OCLN: variants seen among roughly 807,000 people sequenced by gnomAD.
OCLN encodes the protein phosphatase 1, regulatory subunit 115.
Under a neutral mutation model 47.9 loss-of-function variants are expected in OCLN, and 21 were observed. The ratio of observed to expected loss-of-function variants is 0.44; its 90% CI spans 0.31 to 0.63. OCLN has a LOEUF of 0.63. Ranked by LOEUF, OCLN falls within the 30% of genes least tolerant of loss-of-function variation. The pLI is 0.08. For synonymous variants in OCLN, 117 were observed against 198.4 expected, an observed-to-expected ratio of 0.59 and a Z score of 3.45; for missense variants, 360 against 571.0, an observed-to-expected ratio of 0.63 and a Z score of 3.77.
At chr5:69,523,491 T>G (rs1769196653) in intron 4 of OCLN, among the ~76,000 whole-genome samples, 1 of 151,980 alleles carries the variant, frequency 6.6e-6, no homozygotes, top group African/African-American at 2.4e-5. Flanking sequence ...AGCATTTCCA[T>G]GCCAGTAGAT....
At chr5:69,497,384 GA>G (rs1358602419) in intron 1 of OCLN, among the ~76,000 whole-genome samples, 6 of 115,000 alleles carry the variant, frequency 5.2e-5, no homozygotes, top group Admixed American at 3.0e-4. Context: ...GGTTTTTCTA[GA>G]TTTTTTTTTT....
chr5:69,555,653 A>G lies in OCLN; in HGVS notation c.*1982A>G, dbSNP rs1769960856. On this transcript the variant is annotated 3_prime_UTR_variant, in exon 9 of 9. Coordinates refer to ENST00000396442, the MANE Select transcript of OCLN (RefSeq NM_001205254.2). ...ATTATATCACTGATTTATTTCTGCA[A>G]ATTGAATAAATTCTTAATTTTCTGC... 6.6e-6 allele frequency: 1 copy of G among 152,222 alleles called. No homozygotes were observed. The highest frequency in any genetic ancestry group is 1.5e-5 in the Non-Finnish European group (1 of 68,016). The allele number at this position is 152,222 out of a possible 1,614,324, so 9.4% of individuals were successfully genotyped here.
At chr5:69,501,936 G>T (rs1175728513) in intron 1 of OCLN, among the ~76,000 whole-genome samples, 3 of 152,192 alleles carry the variant, frequency 2.0e-5, no homozygotes, top group African/African-American at 7.2e-5. Flanking sequence ...GGTGGCTCAT[G>T]CCTGTAATCC....
intron 2 of OCLN, among the ~76,000 whole-genome samples, chr5:69,508,557 T>A (rs1768674326): frequency 6.6e-6 from 1 of 152,166 alleles, no homozygotes; most frequent in Non-Finnish European, 1.5e-5. Context: ...GCCAGGCTGG[T>A]CTTGAACCCC....
intron 4 of OCLN, among the ~76,000 whole-genome samples, chr5:69,531,851 A>G (rs1200198276): frequency 2.6e-5 from 4 of 152,236 alleles, no homozygotes; most frequent in African/African-American, 4.8e-5. Flanking sequence ...ATGTAATGCT[A>G]CTAAGAATGG....
chr5:69,524,403 G>A (rs1009357372), intron 4 of OCLN, among the ~76,000 whole-genome samples: 1 of 152,252 alleles, frequency 6.6e-6, no homozygotes, highest in Admixed American at 6.5e-5. Flanking sequence ...ATTATAATTT[G>A]CTTTTTAAGT....
chr5:69,514,037 G>A lies in OCLN; in HGVS notation c.819G>A (p.Arg273=), dbSNP rs748039308. The A allele has an allele frequency of 6.2e-7, 1 of 1,613,948 alleles. No homozygotes were observed. Among genetic ancestry groups the A allele is most frequent in the Admixed American group, 1.7e-5 (1 of 60,008 alleles). Residue 273 remains arginine, a synonymous_variant, in exon 4 of 9, where the codon AGG becomes AGA. Coordinates refer to ENST00000396442, the MANE Select transcript of OCLN (RefSeq NM_001205254.2). The part of the protein sequence containing the change: ...FAVKTRRKMD[R]YDKSNILWDK... ...TGAAAACTCGAAGAAAGATGGACAG[G>A]TATGACAAGTCCAATATTTTGTGGG...
At chr5:69,504,659 G>A (rs752397853) in intron 2 of OCLN, among the ~76,000 whole-genome samples, 2 of 152,212 alleles carry the variant, frequency 1.3e-5, no homozygotes, top group Non-Finnish European at 2.9e-5. Context: ...GCTTTAGGCC[G>A]GGTGCGGTGG....
chr5:69,500,245 C>T (rs1207899630), intron 1 of OCLN, among the ~76,000 whole-genome samples: 1 of 152,156 alleles, frequency 6.6e-6, no homozygotes, highest in Non-Finnish European at 1.5e-5. Flanking sequence ...TCTGCCCACC[C>T]ACACAAGGAT....
chr5:69,525,340 A>G (rs1275066192), intron 4 of OCLN, among the ~76,000 whole-genome samples: 1 of 151,126 alleles, frequency 6.6e-6, no homozygotes, highest in Non-Finnish European at 1.5e-5. Flanking sequence ...TCCTGACCTC[A>G]TGATCCGCCC....
chr5:69,516,302 C>T (rs1391217432), intron 4 of OCLN, among the ~76,000 whole-genome samples: 1 of 152,214 alleles, frequency 6.6e-6, no homozygotes, highest in African/African-American at 2.4e-5. Context: ...GGAGACCAGC[C>T]CGGCCAACAC....
intron 4 of OCLN, among the ~76,000 whole-genome samples, chr5:69,526,526 G>A (rs1769283798): frequency 1.0e-5 from 1 of 97,180 alleles, no homozygotes; most frequent in Non-Finnish European, 2.6e-5. Flanking sequence ...GCCTCACTGA[G>A]TACAAGGTTT....
At chr5:69,514,350 TA>T (rs138198653) in intron 4 of OCLN, among the ~76,000 whole-genome samples, 1 of 152,116 alleles carries the variant, frequency 6.6e-6, no homozygotes, top group Non-Finnish European at 1.5e-5. Flanking sequence ...AAATGGCTTC[TA>T]AAAAAATCAT....
intron 4 of OCLN, among the ~76,000 whole-genome samples, chr5:69,518,326 A>G (rs907513734): frequency 1.3e-5 from 2 of 152,256 alleles, no homozygotes; most frequent in Admixed American, 1.3e-4. Context: ...AATAGCAGAT[A>G]TATGATTTTG....
intron 4 of OCLN, among the ~76,000 whole-genome samples, chr5:69,523,404 A>C (rs1268577202): frequency 6.6e-6 from 1 of 152,154 alleles, no homozygotes; most frequent in African/African-American, 2.4e-5. Flanking sequence ...ATTTGGTTTT[A>C]TATTAACAGA....
intron 4 of OCLN, among the ~76,000 whole-genome samples, chr5:69,520,281 C>A (rs1293937389): frequency 1.4e-5 from 2 of 146,608 alleles, no homozygotes; most frequent in Admixed American, 6.9e-5. Context: ...ATTATGTCAA[C>A]TTAAGTTACC....
intron 4 of OCLN, among the ~76,000 whole-genome samples, chr5:69,528,102 G>A (rs1251389565): frequency 6.6e-6 from 1 of 152,178 alleles, no homozygotes; most frequent in Non-Finnish European, 1.5e-5. Flanking sequence ...GTGACCAAAG[G>A]TGGAGAAAAG....
intron 4 of OCLN, among the ~76,000 whole-genome samples, chr5:69,520,928 A>G (rs992738365): frequency 1.3e-5 from 2 of 151,908 alleles, no homozygotes; most frequent in Non-Finnish European, 2.9e-5. Flanking sequence ...GCTCACTACA[A>G]TCTCCACTTC....
rs548697577 is a variant in OCLN, at chr5:69,515,986, G to A, written c.891+1877G>A. On this transcript the variant is annotated intron_variant, in intron 4 of 8. Coordinates refer to ENST00000396442, the MANE Select transcript of OCLN (RefSeq NM_001205254.2). ...TCACTTCCTAGATGGGATGGCGGCCGGGCAGAGACGCTCCTCACTTTCCAG... is the reference window on the plus strand; with the variant it reads ...TCACTTCCTAGATGGGATGGCGGCCAGGCAGAGACGCTCCTCACTTTCCAG... 5.5e-3 allele frequency among the ~76,000 whole-genome samples: 826 copies of A among 150,984 alleles called. 6 individuals are homozygous for A. The highest frequency in any genetic ancestry group is 0.019 in the African/African-American group (769 of 41,056).
Sources: allele counts gnomAD v4.1 joint callset (sites outside exome capture counted in the v4.1 genomes callset), GRCh38; gene constraint gnomAD v4.1.1; transcripts MANE v1.5; gene names NCBI Gene and HGNC (gene_info 2026-07-23, HGNC 2026-07-21).